Variants in COMMD8 observed in about 807,000 individuals in gnomAD.
COMMD8 encodes COMM domain containing 8.
A neutral mutation model predicts 27.2 loss-of-function variants in COMMD8; 28 were observed. The ratio of observed to expected loss-of-function variants is 1.03; its 90% CI spans 0.76 to 1.41. The LOEUF (loss-of-function observed/expected upper bound fraction) is 1.41. Ranked by LOEUF, COMMD8 falls within the 40% of genes most tolerant of loss-of-function variation. The pLI, the probability that COMMD8 is intolerant of heterozygous loss-of-function variation, is 0.00. For synonymous variants in COMMD8, 79 were observed against 75.5 expected (o/e 1.05, Z -0.24); for missense variants, 217 against 211.2 (o/e 1.03, Z -0.17).
chr4:47,463,484 A>G, intron 1 of COMMD8, 102 bp downstream of exon 1: 1 of 1,104,014 alleles, frequency 9.1e-7, no homozygotes, highest in Non-Finnish European at 1.3e-6. Flanking sequence ...TCCCTTCCCT[A>G]GGGAGCTTGC....
In COMMD8 at chr4:47,452,982, G is replaced by A. The variant is rs377471014; in HGVS notation, c.531+77C>T. 3.8e-6 allele frequency: 5 copies of A among 1,303,782 alleles called. No homozygotes were observed. The African/African-American group carries it at 7.4e-5, about 19-fold the overall frequency. The allele number at this position is 1,303,782 out of a possible 1,614,324, so 80.8% of individuals were successfully genotyped here. ...TTGCCCCTCCAGCCTGGGTGACAGAGTGAGACTCCAACGCAAACAAAAAAA... is the reference window on the plus strand; with the variant it reads ...TTGCCCCTCCAGCCTGGGTGACAGAATGAGACTCCAACGCAAACAAAAAAA... On this transcript the variant is annotated intron_variant, in intron 4 of 4. Coordinates refer to ENST00000381571, the MANE Select transcript of COMMD8 (RefSeq NM_017845.5).
intron 3 of COMMD8, among the ~76,000 whole-genome samples, chr4:47,455,067 G>C (rs889629579): frequency 6.6e-6 from 1 of 151,870 alleles, no homozygotes; most frequent in African/African-American, 2.4e-5. Context: ...CTGGAGTGAA[G>C]TGGCACGATG....
chr4:47,460,097 C>G (rs1310161734), intron 2 of COMMD8, 47 bp downstream of exon 2: 2 of 1,528,338 alleles, frequency 1.3e-6, no homozygotes, highest in South Asian at 2.3e-5. Flanking sequence ...CAGAGAGAAA[C>G]CTGAGCATTA....
intron 1 of COMMD8, among the ~76,000 whole-genome samples, chr4:47,460,831 A>C (rs981316816): frequency 1.3e-5 from 2 of 152,154 alleles, no homozygotes; most frequent in African/African-American, 4.8e-5. Flanking sequence ...CTGTATTCCC[A>C]GAAAGTCTCC....
Position 47,451,531 on chromosome 4 carries a change from T to C in COMMD8, c.*114A>G, listed in dbSNP as rs1386108444. The C allele has an allele frequency of 1.3e-6, 1 of 788,854 alleles. No individual in the cohort carries two copies. The highest frequency in any genetic ancestry group is 2.1e-6 in the Non-Finnish European group (1 of 467,162). The allele number at this position is 788,854 out of a possible 1,614,324, so 48.9% of individuals were successfully genotyped here. A position where few individuals can be genotyped will look rare whatever the true frequency, so the allele number is the denominator to read the frequency against. ...CTTTATAATATCAATATTGCTGCTT[T>C]CTCAGCCTGGTGCAACAGTCAAGAC... On this transcript the variant is annotated 3_prime_UTR_variant, in exon 5 of 5. Coordinates refer to ENST00000381571, the MANE Select transcript of COMMD8 (RefSeq NM_017845.5).
chr4:47,457,024 G>T (rs1729912977), intron 2 of COMMD8, among the ~76,000 whole-genome samples: 1 of 152,168 alleles, frequency 6.6e-6, no homozygotes. Context: ...CCCAAAACAG[G>T]AAAAGTTCTG....
At chr4:47,462,464 T>C (rs1487705920) in intron 1 of COMMD8, among the ~76,000 whole-genome samples, 2 of 152,042 alleles carry the variant, frequency 1.3e-5, no homozygotes, top group East Asian at 3.9e-4. Context: ...CATACTGAAT[T>C]TGAGGTACCT....
Position 47,451,489 on chromosome 4 carries a change from T to A in COMMD8, c.*156A>T, listed in dbSNP as rs542516315. Reference sequence around the variant, plus strand: ...AACCATGTAATTTCCTGTTAAGGAATGTTGATAAATTTTTATCTTTATAAT... The same window carrying A: ...AACCATGTAATTTCCTGTTAAGGAAAGTTGATAAATTTTTATCTTTATAAT... On this transcript the variant is annotated 3_prime_UTR_variant, in exon 5 of 5. Coordinates refer to ENST00000381571, the MANE Select transcript of COMMD8 (RefSeq NM_017845.5). 97 of 608,204 alleles carry A rather than the reference T, an allele frequency of 1.6e-4. 1 individual carries two copies. The highest frequency in any genetic ancestry group is 1.1e-3 in the South Asian group (58 of 51,588). The allele number at this position is 608,204 out of a possible 1,614,324, so 37.7% of individuals were successfully genotyped here. A position where few individuals can be genotyped will look rare whatever the true frequency, so the allele number is the denominator to read the frequency against.
chr4:47,455,448 T>C (rs181494926), intron 3 of COMMD8, among the ~76,000 whole-genome samples: 6 of 152,336 alleles, frequency 3.9e-5, no homozygotes, highest in Admixed American at 6.5e-5. Flanking sequence ...TGGTCACTGA[T>C]TGTAATTGGC....
chr4:47,454,270 C>T (rs73234578), intron 3 of COMMD8, among the ~76,000 whole-genome samples: 34,424 of 152,042 alleles, frequency 0.23, 4,068 homozygotes, highest in Non-Finnish European at 0.25. Flanking sequence ...AAATAATATA[C>T]GTTAGTCCTT....
At chr4:47,457,353 A>T (rs1003814614) in intron 2 of COMMD8, among the ~76,000 whole-genome samples, 6 of 152,322 alleles carry the variant, frequency 3.9e-5, no homozygotes, top group Admixed American at 2.6e-4. Flanking sequence ...TAAAGCAGCA[A>T]AATTTGGCAA....
At chr4:47,461,419 AT>A (rs1730022674) in intron 1 of COMMD8, among the ~76,000 whole-genome samples, 1 of 152,166 alleles carries the variant, frequency 6.6e-6, no homozygotes, top group African/African-American at 2.4e-5. Flanking sequence ...ATGGTGGCTA[AT>A]ATACTATACA....
chr4:47,457,931 A>AT (rs1375445347), intron 2 of COMMD8, among the ~76,000 whole-genome samples: 3 of 151,900 alleles, frequency 2.0e-5, no homozygotes, highest in African/African-American at 2.4e-5. Context: ...CAAGAGATAT[A>AT]TAAAAAAAAA....
chr4:47,453,035 A>C (rs1227378456), intron 4 of COMMD8, 24 bp downstream of exon 4: 1 of 1,575,368 alleles, frequency 6.3e-7, no homozygotes, highest in South Asian at 1.2e-5. Flanking sequence ...CATTCAAATC[A>C]TATGACAAAA....
chr4:47,458,214 T>C (rs748717626), intron 2 of COMMD8, among the ~76,000 whole-genome samples: 4 of 152,072 alleles, frequency 2.6e-5, no homozygotes, highest in Non-Finnish European at 4.4e-5. Flanking sequence ...GGAATAGATA[T>C]ATATCTACTA....
chr4:47,462,048 G>A (rs1421110509), intron 1 of COMMD8, among the ~76,000 whole-genome samples: 1 of 152,092 alleles, frequency 6.6e-6, no homozygotes, highest in African/African-American at 2.4e-5. Flanking sequence ...TGCCTAGGGG[G>A]TGACAGGAGA....
At chr4:47,457,394 C>G (rs952667900) in intron 2 of COMMD8, among the ~76,000 whole-genome samples, 1 of 151,944 alleles carries the variant, frequency 6.6e-6, no homozygotes, top group Non-Finnish European at 1.5e-5. Context: ...TCCACATTCA[C>G]AGTTAGAGGT....
chr4:47,453,470 T>C (rs1318541805), intron 3 of COMMD8, among the ~76,000 whole-genome samples: 1 of 152,174 alleles, frequency 6.6e-6, no homozygotes, highest in Non-Finnish European at 1.5e-5. Flanking sequence ...AGCAGGTGTC[T>C]AGATCAGAGT....
At chr4:47,460,046 AC>A in intron 2 of COMMD8, 97 bp downstream of exon 2, 1 of 906,096 alleles carries the variant, frequency 1.1e-6, no homozygotes, top group South Asian at 2.0e-5. Flanking sequence ...ATTTGTTGTT[AC>A]TGATGATAGC....
Sources: allele counts gnomAD v4.1 joint callset (sites outside exome capture counted in the v4.1 genomes callset), GRCh38; gene constraint gnomAD v4.1.1; transcripts MANE v1.5; gene names NCBI Gene and HGNC (gene_info 2026-07-23, HGNC 2026-07-21).